The following NUDT9 variants were observed in gnomAD, a reference collection of about 807,000 sequenced individuals.
The protein encoded by NUDT9 is ADP-ribose pyrophosphatase.
NUDT9 carries 31 observed loss-of-function variants against 41.0 expected under a neutral mutation model. That is an observed-to-expected ratio of 0.76 (90% CI 0.57 to 1.02). NUDT9 has a LOEUF of 1.02. Among genes scored for constraint, NUDT9 ranks in the 50% least tolerant of loss-of-function variants. NUDT9 has a pLI of 0.00. For missense variants in NUDT9, 380 were observed against 431.4 expected (o/e 0.88, Z 1.06); for synonymous variants, 146 against 147.6 (o/e 0.99, Z 0.08).
chr4:87,430,213 C>T (rs1721622183), intron 1 of NUDT9, among the ~76,000 whole-genome samples: 1 of 152,092 alleles, frequency 6.6e-6, no homozygotes, highest in Non-Finnish European at 1.5e-5. Flanking sequence ...AATGAGGATT[C>T]CCTCTAGAAG....
intron 1 of NUDT9, among the ~76,000 whole-genome samples, chr4:87,424,261 T>A (rs1300243070): frequency 6.8e-6 from 1 of 146,970 alleles, no homozygotes; most frequent in African/African-American, 2.5e-5. Flanking sequence ...TGCGTTTTTT[T>A]TTTTTTTTTT....
In NUDT9 at chr4:87,459,110, C is replaced by T. The variant is rs748068348; in HGVS notation, c.*1089C>T. 9.2e-5 allele frequency: 14 copies of T among 151,986 alleles called. No homozygotes were observed. The highest frequency in any genetic ancestry group is 2.1e-4 in the South Asian group (1 of 4,824). 9.4% of individuals were successfully genotyped at this position (151,986 alleles called of 1,614,324 possible). On this transcript the variant is annotated 3_prime_UTR_variant, in exon 8 of 8. Transcript: ENST00000302174. ...TGTACACCATGGAATACTATGCAGC[C>T]GTAAAAAAGAATAAGATCATGTCCT...
intron 5 of NUDT9, among the ~76,000 whole-genome samples, chr4:87,450,449 A>G (rs770924890): frequency 5.3e-4 from 72 of 136,228 alleles, no homozygotes; most frequent in Non-Finnish European, 8.2e-4. Context: ...GCATGATCTC[A>G]GCTTACTGCA....
At chr4:87,426,230 T>C (rs1019751783) in intron 1 of NUDT9, among the ~76,000 whole-genome samples, 2 of 151,854 alleles carry the variant, frequency 1.3e-5, no homozygotes, top group African/African-American at 2.4e-5. Flanking sequence ...TGTAGAATAT[T>C]GTTTTATTCC....
chr4:87,449,081 T>G, intron 4 of NUDT9, 61 bp from the exon 5 acceptor site: 1 of 931,898 alleles, frequency 1.1e-6, no homozygotes, highest in Non-Finnish European at 1.7e-6. Flanking sequence ...TTATCTCAAG[T>G]TTGAGATAGA....
At chr4:87,443,101 T>TG (rs1722286027) in intron 4 of NUDT9, among the ~76,000 whole-genome samples, 1 of 152,148 alleles carries the variant, frequency 6.6e-6, no homozygotes, top group Non-Finnish European at 1.5e-5. Context: ...ACCACAAGCA[T>TG]GTGAGTAATG....
At chr4:87,444,940 G>A (rs376473359) in intron 4 of NUDT9, among the ~76,000 whole-genome samples, 3 of 152,244 alleles carry the variant, frequency 2.0e-5, no homozygotes, top group East Asian at 1.9e-4. Context: ...TAATAGTAAT[G>A]CATTAATTAA....
intron 7 of NUDT9, among the ~76,000 whole-genome samples, chr4:87,455,135 G>T (rs1305584283): frequency 2.6e-5 from 4 of 152,194 alleles, no homozygotes; most frequent in African/African-American, 4.8e-5. Flanking sequence ...GAAATGAAAT[G>T]AATGTTCCAC....
At chr4:87,438,441 A>C in intron 3 of NUDT9, 69 bp downstream of exon 3, 1 of 867,442 alleles carries the variant, frequency 1.2e-6, no homozygotes. Flanking sequence ...GTTCATATTT[A>C]TCAAATCCTT....
intron 1 of NUDT9, among the ~76,000 whole-genome samples, chr4:87,434,588 A>G (rs1721825637): frequency 6.6e-6 from 1 of 151,994 alleles, no homozygotes; most frequent in African/African-American, 2.4e-5. Context: ...AAGGTTTTTG[A>G]AATTGGAAAG....
At chr4:87,457,596 T>C (rs1486741807) in intron 7 of NUDT9, among the ~76,000 whole-genome samples, 1 of 152,202 alleles carries the variant, frequency 6.6e-6, no homozygotes, top group Admixed American at 6.6e-5. Flanking sequence ...ATAATCTTTT[T>C]AGAGAAAACT....
At chr4:87,453,732 G>A (rs1722860652) in intron 6 of NUDT9, among the ~76,000 whole-genome samples, 1 of 151,468 alleles carries the variant, frequency 6.6e-6, no homozygotes, top group Admixed American at 6.6e-5. Flanking sequence ...CTGGCCTGAG[G>A]GTTTCATGAT....
Position 87,458,077 on chromosome 4 carries a change from G to A in NUDT9, c.*56G>A. 7.0e-7 allele frequency: 1 copy of A among 1,421,396 alleles called. No individual in the cohort carries two copies. Among genetic ancestry groups the A allele is most frequent in the South Asian group, 1.7e-5 (1 of 58,858 alleles). The allele number at this position is 1,421,396 out of a possible 1,614,324, so 88.0% of individuals were successfully genotyped here. A position where few individuals can be genotyped will look rare whatever the true frequency, so the allele number is the denominator to read the frequency against. On this transcript the variant is annotated 3_prime_UTR_variant, in exon 8 of 8. Coordinates refer to ENST00000302174, the MANE Select transcript of NUDT9 (RefSeq NM_024047.5). ...CAGAGGAGCATATACTGAAAAGAAG[G>A]CAGTATCACAGAATTTATACTATAA... is the stretch of plus-strand genomic sequence containing the variant.
intron 1 of NUDT9, among the ~76,000 whole-genome samples, chr4:87,424,780 A>C (rs188173877): frequency 2.0e-5 from 3 of 152,132 alleles, no homozygotes; most frequent in South Asian, 2.1e-4. Context: ...GAAATCTCTA[A>C]TGCTCTTTTT....
At position 87,458,959 on chromosome 4, in the gene NUDT9, A is replaced by G. The variant is rs1723101399; in HGVS notation, c.*938A>G. ...TTACTAGGTATATACCCGAAGGAAT[A>G]TAAATTGTTCTATTATAAACACATA... On this transcript the variant is annotated 3_prime_UTR_variant, in exon 8 of 8. Transcript: ENST00000302174. 2 of 152,228 alleles carry G rather than the reference A, an allele frequency of 1.3e-5. No homozygotes were observed. Among genetic ancestry groups the G allele is most frequent in the Admixed American group, 1.3e-4 (2 of 15,278 alleles). 9.4% of individuals were successfully genotyped at this position (152,228 alleles called of 1,614,324 possible). A position where few individuals can be genotyped will look rare whatever the true frequency, so the allele number is the denominator to read the frequency against.
rs1440511337 is a variant in NUDT9, at chr4:87,447,573, A to AGG, written c.531-1566_531-1565dup. ...GTTGATATGGAGGTGAGGAAGGGGA[A>AGG]GGGGAGATTTATTAATATCAACATC... is the stretch of plus-strand genomic sequence containing the variant. On this transcript the variant is annotated intron_variant, in intron 4 of 7. Transcript: ENST00000302174. Among the ~76,000 whole-genome samples, 13 of 152,024 alleles carry AGG rather than the reference A, an allele frequency of 8.6e-5. No homozygotes were observed. The East Asian group carries it at 1.5e-3, about 18-fold the overall frequency.
intron 1 of NUDT9, among the ~76,000 whole-genome samples, chr4:87,424,681 TC>T (rs201153805): frequency 2.4e-4 from 37 of 152,346 alleles, no homozygotes; most frequent in African/African-American, 7.9e-4. Context: ...TTATTCCTTC[TC>T]CTGGTACGGA....
intron 3 of NUDT9, among the ~76,000 whole-genome samples, chr4:87,439,323 CAG>C (rs1722095051): frequency 6.6e-6 from 1 of 151,846 alleles, no homozygotes; most frequent in Non-Finnish European, 1.5e-5. Context: ...CAACAGGTGA[CAG>C]AGAGTGAATA....
chr4:87,435,195 C>G lies in NUDT9; in HGVS notation c.322C>G (p.Pro108Ala), dbSNP rs1157391246. 7 of 1,613,340 alleles carry G rather than the reference C, an allele frequency of 4.3e-6. No homozygotes were observed. Among genetic ancestry groups the G allele is most frequent in the Non-Finnish European group, 5.9e-6 (7 of 1,179,606 alleles). The change falls in exon 2 of 8, where the codon CCC (proline) becomes GCC (alanine). Residue 108 changes from proline (P) to alanine (A), a missense_variant. Transcript: ENST00000302174. ...EYTAVSVLAG[P>A]RWADPQISES... ...CACTGCAGTCTCTGTCTTGGCTGGA[C>G]CCAGGTGGGCAGATCCTCAGATCAG...
Sources: allele counts gnomAD v4.1 joint callset (sites outside exome capture counted in the v4.1 genomes callset), GRCh38; gene constraint gnomAD v4.1.1; transcripts MANE v1.5; gene names NCBI Gene and HGNC (gene_info 2026-07-23, HGNC 2026-07-21).